The following BCL7B variants were observed in gnomAD, a reference collection of about 807,000 sequenced individuals.
BCL7B encodes BAF chromatin remodeling complex subunit BCL7B.
A neutral mutation model predicts 26.5 loss-of-function variants in BCL7B; 11 were observed. The observed-to-expected ratio is 0.42, with a 90% CI of 0.26 to 0.69. The LOEUF is 0.69. BCL7B is among the 30% of genes least tolerant of loss of function. The probability of loss-of-function intolerance (pLI) is 0.28; values close to 1 mark genes in which losing one functional copy is unlikely to be tolerated. For synonymous variants in BCL7B, 111 were observed against 107.9 expected (o/e 1.03, Z -0.18); for missense variants, 215 against 264.4 (o/e 0.81, Z 1.30).
Position 73,557,208 on chromosome 7 carries a change from C to A in BCL7B, c.92+279G>T, listed in dbSNP as rs979826782. On this transcript the variant is annotated intron_variant, in intron 1 of 5. Coordinates refer to ENST00000223368, the MANE Select transcript of BCL7B (RefSeq NM_001707.4). ...GCCGGGCGCGGGCACCGACGCCAGG[C>A]AGCTCCAGTCCGGGCCGGAAGCCGG... 1.2e-4 allele frequency: 121 copies of A among 1,050,828 alleles called. 1 individual carries two copies. The highest frequency in any genetic ancestry group is 4.3e-4 in the Middle Eastern group (1 of 2,310). The allele number at this position is 1,050,828 out of a possible 1,614,324, so 65.1% of individuals were successfully genotyped here. A position where few individuals can be genotyped will look rare whatever the true frequency, so the allele number is the denominator to read the frequency against.
chr7:73,539,940 G>C lies in BCL7B; in HGVS notation c.378C>G (p.Thr126=). 6.2e-7 allele frequency: 1 copy of C among 1,614,092 alleles called. No homozygotes were observed. Among genetic ancestry groups the C allele is most frequent in the Non-Finnish European group, 8.5e-7 (1 of 1,180,020 alleles). ...GGGAGTCATCCGTGCGGAAGTCGGA[G>C]GTGTGTGCTGGGCTCAGGGACTCAC... ...QQSESLSPAH[T]SDFRTDDSQP... is the part of the protein sequence containing the mutation. The change falls in exon 4 of 6, where the codon ACC becomes ACG. Residue 126 remains threonine (T), a synonymous_variant. Transcript: ENST00000223368.
At chr7:73,555,556 A>T (rs999411924) in intron 1 of BCL7B, among the ~76,000 whole-genome samples, 3 of 152,136 alleles carry the variant, frequency 2.0e-5, no homozygotes, top group Non-Finnish European at 4.4e-5. Context: ...ACTCGGCAAG[A>T]GGGAGGAGAG....
At chr7:73,552,473 C>A (rs1554584268) in intron 1 of BCL7B, among the ~76,000 whole-genome samples, 1 of 151,414 alleles carries the variant, frequency 6.6e-6, no homozygotes, top group African/African-American at 2.4e-5. Context: ...TTTAGCGAGA[C>A]CTCATCTCTA....
chr7:73,537,347 C>A lies in BCL7B; in HGVS notation c.560G>T (p.Arg187Leu). The change falls in exon 6 of 6, where the codon CGC becomes CTC. Residue 187 changes from arginine to leucine, a missense_variant. Transcript: ENST00000223368. ...EEDSGAPPLKRFCVDQPTVPQ... is the reference protein window; with the variant it reads ...EEDSGAPPLKLFCVDQPTVPQ... Reference sequence around the variant, plus strand: ...CACTGTGGGTTGGTCCACACAGAAGCGCTTCAGGGGCGGGGCACCTGAGTC... The same window carrying A: ...CACTGTGGGTTGGTCCACACAGAAGAGCTTCAGGGGCGGGGCACCTGAGTC... The A allele has an allele frequency of 6.2e-7, 1 of 1,614,140 alleles. No individual in the cohort carries two copies. Among genetic ancestry groups the A allele is most frequent in the Non-Finnish European group, 8.5e-7 (1 of 1,180,014 alleles).
At chr7:73,548,623 T>TAAC (rs1369313849) in intron 2 of BCL7B, among the ~76,000 whole-genome samples, 1 of 150,244 alleles carries the variant, frequency 6.7e-6, no homozygotes, top group Non-Finnish European at 1.5e-5. Context: ...TCTTACAAAA[T>TAAC]AATAATAATA....
At chr7:73,552,450 A>T (rs1430489260) in intron 1 of BCL7B, among the ~76,000 whole-genome samples, 3 of 151,954 alleles carry the variant, frequency 2.0e-5, no homozygotes, top group African/African-American at 7.2e-5. Context: ...GAGGTTGAGA[A>T]CAGCCTGGGC....
chr7:73,554,750 A>G (rs1792298974), intron 1 of BCL7B, among the ~76,000 whole-genome samples: 1 of 149,856 alleles, frequency 6.7e-6, no homozygotes, highest in Admixed American at 6.7e-5. Context: ...GTGAGCCAAG[A>G]CCACGCCACT....
chr7:73,557,163 G>T, intron 1 of BCL7B: 1 of 1,015,778 alleles, frequency 9.8e-7, no homozygotes, highest in Non-Finnish European at 1.2e-6. Context: ...AGGAAGAGGG[G>T]AGGGCGGGCC....
intron 2 of BCL7B, among the ~76,000 whole-genome samples, chr7:73,548,887 G>A (rs897373398): frequency 4.6e-5 from 7 of 151,862 alleles, no homozygotes; most frequent in African/African-American, 9.7e-5. Flanking sequence ...CCGAGATTGC[G>A]CCACTGCACT....
In BCL7B at chr7:73,557,649, G is replaced by GC; in HGVS notation, c.-72dup. 1.0e-6 allele frequency: 1 copy of GC among 953,838 alleles called. No homozygotes were observed. The highest frequency in any genetic ancestry group is 1.3e-6 in the Non-Finnish European group (1 of 763,204). 59.1% of individuals were successfully genotyped at this position (953,838 alleles called of 1,614,324 possible). A position where few individuals can be genotyped will look rare whatever the true frequency, so the allele number is the denominator to read the frequency against. On this transcript the variant is annotated 5_prime_UTR_variant, in exon 1 of 6. Coordinates refer to ENST00000223368, the MANE Select transcript of BCL7B (RefSeq NM_001707.4). ...CCGGGGATCGCGCGCCTCACGCGCCGCCGCCCGCCCGCCGCCGCCGCAGCG... is the reference window on the plus strand; with the variant it reads ...CCGGGGATCGCGCGCCTCACGCGCCGCCCGCCCGCCCGCCGCCGCCGCAGCG...
In BCL7B at chr7:73,543,581, A is replaced by G; in HGVS notation, c.232T>C (p.Ser78Pro). Residue 78 changes from serine (S) to proline (P), a missense_variant, in exon 3 of 6, where the codon TCA (serine) becomes CCA (proline). By Grantham distance (74) the Ser-to-Pro change is moderately conservative. Coordinates refer to ENST00000223368, the MANE Select transcript of BCL7B (RefSeq NM_001707.4). ...TCAAGAAGGAGAGAGGAATTGGCTG[A>G]GGCATCAGAAGGAAAGCCATTAGGT... is the stretch of plus-strand genomic sequence containing the variant. ...REPNGFPSDA[S>P]ANSSLLLEFQ... is the part of the protein sequence containing the mutation. 6.2e-7 allele frequency: 1 copy of G among 1,613,902 alleles called. No homozygotes were observed. The highest frequency in any genetic ancestry group is 8.5e-7 in the Non-Finnish European group (1 of 1,179,922).
chr7:73,545,231 G>A (rs1329755185), intron 2 of BCL7B, among the ~76,000 whole-genome samples: 1 of 151,696 alleles, frequency 6.6e-6, no homozygotes, highest in Admixed American at 6.6e-5. Flanking sequence ...TTTGTTTTTT[G>A]AGACAGAGTC....
At chr7:73,540,147 C>T in intron 3 of BCL7B, 95 bp from the exon 4 acceptor site, 1 of 1,349,358 alleles carries the variant, frequency 7.4e-7, no homozygotes. Context: ...TCACTTTAGG[C>T]AGCCAAGGAT....
At chr7:73,557,215 A>C (rs1445790828) in intron 1 of BCL7B, 1 of 1,057,380 alleles carries the variant, frequency 9.5e-7, no homozygotes, top group Non-Finnish European at 1.1e-6. Context: ...AGGCAGCTCC[A>C]GTCCGGGCCG....
In BCL7B at chr7:73,537,231, G is replaced by T. The variant is rs1354153192; in HGVS notation, c.*67C>A. 4 of 1,523,856 alleles carry T rather than the reference G, an allele frequency of 2.6e-6. No individual in the cohort carries two copies. The highest frequency in any genetic ancestry group is 3.6e-6 in the Non-Finnish European group (4 of 1,102,916). 94.4% of individuals were successfully genotyped at this position (1,523,856 alleles called of 1,614,324 possible). A position where few individuals can be genotyped will look rare whatever the true frequency, so the allele number is the denominator to read the frequency against. On this transcript the variant is annotated 3_prime_UTR_variant, in exon 6 of 6. Coordinates refer to ENST00000223368, the MANE Select transcript of BCL7B (RefSeq NM_001707.4). Reference sequence around the variant, plus strand: ...CAGTGCTTGCCCTTACCCCAGCAACGCGGCGCGGCCAGAACCAGAATGCAA... The same window carrying T: ...CAGTGCTTGCCCTTACCCCAGCAACTCGGCGCGGCCAGAACCAGAATGCAA...
intron 2 of BCL7B, among the ~76,000 whole-genome samples, chr7:73,547,280 C>G (rs1339789082): frequency 6.6e-6 from 1 of 151,262 alleles, no homozygotes; most frequent in Non-Finnish European, 1.5e-5. Context: ...CTGGGAAATA[C>G]AGCAAGACCC....
rs1792428500 is a variant in BCL7B, at chr7:73,557,632, C to G, written c.-54G>C. The G allele has an allele frequency of 2.7e-6, 3 of 1,090,958 alleles. No individual in the cohort carries two copies. In the African/African-American group the frequency reaches 5.0e-5, roughly 18 times the overall value. The allele number at this position is 1,090,958 out of a possible 1,614,324, so 67.6% of individuals were successfully genotyped here. On this transcript the variant is annotated 5_prime_UTR_variant, in exon 1 of 6. Coordinates refer to ENST00000223368, the MANE Select transcript of BCL7B (RefSeq NM_001707.4). The stretch of plus-strand genomic sequence containing the variant: ...GCACTGCTCCCAAGACACCGGGGAT[C>G]GCGCGCCTCACGCGCCGCCGCCCGC...
rs1214693894 is a variant in BCL7B at position 73,537,394 on chromosome 7, G to C, written c.517-4C>G. ...AGTCTTCCTCTTCCTCAACGACCTA[G>C]GAGCAGGCAGAGCATGGAATGCCAG... On this transcript the variant is annotated splice_polypyrimidine_tract_variant and splice_region_variant and intron_variant, in intron 5 of 5. Transcript: ENST00000223368. The C allele has an allele frequency of 6.2e-7, 1 of 1,613,460 alleles. No individual in the cohort carries two copies. The highest frequency in any genetic ancestry group is 8.5e-7 in the Non-Finnish European group (1 of 1,179,586).
rs782039518 is a variant in BCL7B at position 73,537,280 on chromosome 7, C to T, written c.*18G>A. 5.5e-5 allele frequency: 88 copies of T among 1,612,570 alleles called. No homozygotes were observed. The highest frequency in any genetic ancestry group is 1.7e-4 in the Admixed American group (10 of 59,918). ...AATAAATAGAGGCAGGGCCAGGAGG[C>T]GGAGGGCCGGGATGGTGCTAGCTTT... On this transcript the variant is annotated 3_prime_UTR_variant, in exon 6 of 6. Coordinates refer to ENST00000223368, the MANE Select transcript of BCL7B (RefSeq NM_001707.4).
Sources: gnomAD v4.1 joint callset for allele counts (sites outside exome capture counted in the v4.1 genomes callset) on GRCh38, gnomAD v4.1.1 for gene constraint, MANE v1.5 for transcripts, NCBI Gene and HGNC (gene_info 2026-07-23, HGNC 2026-07-21) for gene names.